LMX1A: variants seen among roughly 807,000 people sequenced by gnomAD.
LMX1A encodes LIM homeobox transcription factor 1-alpha.
A neutral mutation model predicts 49.1 loss-of-function variants in LMX1A; 15 were observed. The ratio of observed to expected loss-of-function variants is 0.31; its 90% CI spans 0.20 to 0.47. The LOEUF (loss-of-function observed/expected upper bound fraction) is 0.47. Ranked by LOEUF, LMX1A falls within the 20% of genes least tolerant of loss-of-function variation. The pLI is 1.00. For missense variants in LMX1A, 372 were observed against 475.8 expected (o/e 0.78, Z 2.03); for synonymous variants, 167 against 185.7 (o/e 0.90, Z 0.82).
chr1:165,284,766 C>A (rs901749783), intron 3 of LMX1A, among the ~76,000 whole-genome samples: 1 of 152,208 alleles, frequency 6.6e-6, no homozygotes, highest in Non-Finnish European at 1.5e-5. Context: ...GTTGGCCACC[C>A]AGCACCCGCC....
intron 3 of LMX1A, among the ~76,000 whole-genome samples, chr1:165,324,395 G>A (rs1176665040): frequency 2.0e-5 from 3 of 152,118 alleles, no homozygotes; most frequent in Non-Finnish European, 4.4e-5. Flanking sequence ...TAATACAGGA[G>A]AGCCTTTGAG....
At chr1:165,315,681 A>G (rs1655197632) in intron 3 of LMX1A, among the ~76,000 whole-genome samples, 1 of 152,186 alleles carries the variant, frequency 6.6e-6, no homozygotes, top group Non-Finnish European at 1.5e-5. Context: ...GACAGCCTTG[A>G]GATCTGGCCC....
intron 4 of LMX1A, among the ~76,000 whole-genome samples, chr1:165,234,674 G>A (rs184391902): frequency 6.6e-6 from 1 of 152,286 alleles, no homozygotes; most frequent in Admixed American, 6.5e-5. Flanking sequence ...CATGGACTTA[G>A]TGAGACTAAT....
chr1:165,315,374 T>C (rs1320360380), intron 3 of LMX1A, among the ~76,000 whole-genome samples: 3 of 152,144 alleles, frequency 2.0e-5, no homozygotes, highest in Admixed American at 6.5e-5. Flanking sequence ...CTCTACCCAT[T>C]CCAACCTTGG....
intron 4 of LMX1A, among the ~76,000 whole-genome samples, chr1:165,219,444 T>C (rs534628481): frequency 2.0e-5 from 3 of 151,692 alleles, no homozygotes; most frequent in South Asian, 4.2e-4. Flanking sequence ...TTGTTGTGAG[T>C]GGAGGGAGGA....
chr1:165,236,047 G>C (rs1283083506), intron 4 of LMX1A, among the ~76,000 whole-genome samples: 2 of 152,202 alleles, frequency 1.3e-5, no homozygotes, highest in Non-Finnish European at 2.9e-5. Context: ...CCCTGGACTA[G>C]ACTGGCACCG....
intron 3 of LMX1A, among the ~76,000 whole-genome samples, chr1:165,322,318 A>G (rs1655441132): frequency 6.6e-6 from 1 of 152,176 alleles, no homozygotes. Flanking sequence ...GCAATTCCAC[A>G]CCTAGGCACA....
intron 3 of LMX1A, among the ~76,000 whole-genome samples, chr1:165,351,550 T>G (rs1456527274): frequency 1.3e-5 from 2 of 152,204 alleles, no homozygotes; most frequent in African/African-American, 2.4e-5. Context: ...AGTTTTCACT[T>G]CTTTATATAT....
intron 3 of LMX1A, among the ~76,000 whole-genome samples, chr1:165,257,267 G>C (rs1459262734): frequency 1.3e-5 from 2 of 151,992 alleles, no homozygotes; most frequent in African/African-American, 4.8e-5. Flanking sequence ...GTCCTGTTTT[G>C]TATTTCTCTC....
In LMX1A at chr1:165,352,943, G is replaced by A. The variant is rs113518090; in HGVS notation, c.263+133C>T. 1.4e-4 allele frequency: 133 copies of A among 941,768 alleles called. 1 individual carries two copies. In the African/African-American group the frequency reaches 1.5e-3, roughly 11 times the overall value. The allele number at this position is 941,768 out of a possible 1,614,324, so 58.3% of individuals were successfully genotyped here. A position where few individuals can be genotyped will look rare whatever the true frequency, so the allele number is the denominator to read the frequency against. ...CGTGAGGGGCAATGTACACGACTGCGCTGAAGGGAAGTTCTGCTCGCTGGG... is the reference window on the plus strand; with the variant it reads ...CGTGAGGGGCAATGTACACGACTGCACTGAAGGGAAGTTCTGCTCGCTGGG... On this transcript the variant is annotated intron_variant, in intron 3 of 8. Transcript: ENST00000342310.
At chr1:165,234,135 G>A (rs895689914) in intron 4 of LMX1A, among the ~76,000 whole-genome samples, 5 of 152,112 alleles carry the variant, frequency 3.3e-5, no homozygotes, top group African/African-American at 7.2e-5. Context: ...ACATTTTGGC[G>A]TTAATCTTAC....
intron 8 of LMX1A, 69 bp downstream of exon 8, chr1:165,205,795 T>A: frequency 6.8e-7 from 1 of 1,460,470 alleles, no homozygotes; most frequent in Non-Finnish European, 9.5e-7. Context: ...ACTGCCTAGA[T>A]GTGTTTAGGA....
chr1:165,309,730 C>T (rs1219000739), intron 3 of LMX1A, among the ~76,000 whole-genome samples: 3 of 152,238 alleles, frequency 2.0e-5, no homozygotes, highest in Admixed American at 2.0e-4. Flanking sequence ...CCACCTTCCC[C>T]ATGAACTTTG....
intron 7 of LMX1A, 26 bp from the exon 8 acceptor site, chr1:165,206,060 C>T: frequency 6.6e-7 from 1 of 1,510,390 alleles, no homozygotes; most frequent in South Asian, 1.3e-5. Context: ...GAAGCCAGGT[C>T]ATTCTCAACG....
chr1:165,294,533 T>C (rs1039489776), intron 3 of LMX1A, among the ~76,000 whole-genome samples: 4 of 152,196 alleles, frequency 2.6e-5, no homozygotes, highest in African/African-American at 7.2e-5. Flanking sequence ...CTCAAAAACA[T>C]ACAGATCATT....
At chr1:165,279,699 G>C (rs1654088122) in intron 3 of LMX1A, among the ~76,000 whole-genome samples, 1 of 152,124 alleles carries the variant, frequency 6.6e-6, no homozygotes, top group Admixed American at 6.5e-5. Flanking sequence ...TGCTATTAGT[G>C]ACTCGATAAT....
chr1:165,255,464 G>A (rs1653203888), intron 3 of LMX1A, among the ~76,000 whole-genome samples: 1 of 152,220 alleles, frequency 6.6e-6, no homozygotes, highest in African/African-American at 2.4e-5. Flanking sequence ...CATCCAGGCA[G>A]CATGACTGGG....
chr1:165,265,865 T>C (rs1653604659), intron 3 of LMX1A, among the ~76,000 whole-genome samples: 1 of 152,096 alleles, frequency 6.6e-6, no homozygotes, highest in African/African-American at 2.4e-5. Context: ...GACCAACTAA[T>C]TTATAGGCAC....
intron 3 of LMX1A, among the ~76,000 whole-genome samples, chr1:165,293,147 A>C (rs575190349): frequency 3.2e-4 from 49 of 152,048 alleles, no homozygotes; most frequent in Admixed American, 1.0e-3. Flanking sequence ...CAAAACAAAA[A>C]AAAAACCTTA....
Sources: allele counts gnomAD v4.1 joint callset (sites outside exome capture counted in the v4.1 genomes callset), GRCh38; gene constraint gnomAD v4.1.1; transcripts MANE v1.5; gene names NCBI Gene and HGNC (gene_info 2026-07-23, HGNC 2026-07-21).